Variants in MAPK10 observed in about 807,000 individuals in gnomAD.
The protein encoded by MAPK10 is JNK3 alpha protein kinase.
In MAPK10, 25 loss-of-function variants were observed where a neutral mutation model predicts 59.3. The observed-to-expected ratio is 0.42, with a 90% CI of 0.31 to 0.59. The LOEUF is 0.59. Among genes scored for constraint, MAPK10 ranks in the 20% least tolerant of loss-of-function variants. The pLI, the probability that MAPK10 is intolerant of heterozygous loss-of-function variation, is 0.15. For synonymous variants in MAPK10, 190 were observed against 200.5 expected (o/e 0.95, Z 0.44); for missense variants, 351 against 568.9 (o/e 0.62, Z 3.90).
At chr4:86,456,851 C>G (rs566149611), upstream of MAPK10, among the ~76,000 whole-genome samples, 12 of 151,990 alleles carry the variant, frequency 7.9e-5, no homozygotes, top group Non-Finnish European at 1.8e-4. Context: ...AAGGACATAA[C>G]CAAAAAAGAC....
At chr4:86,353,248 AT>A (rs1732589365) in intron 2 of MAPK10, among the ~76,000 whole-genome samples, 1 of 152,166 alleles carries the variant, frequency 6.6e-6, no homozygotes, top group Non-Finnish European at 1.5e-5. Flanking sequence ...TAATAAGCAC[AT>A]TTTATTGTAA....
chr4:86,108,645 T>C (rs1471039580), intron 4 of MAPK10, among the ~76,000 whole-genome samples: 1 of 152,154 alleles, frequency 6.6e-6, no homozygotes, highest in Non-Finnish European at 1.5e-5. Flanking sequence ...TCCAAAAACA[T>C]GGAAATCATT....
chr4:86,388,209 T>C (rs1351628012), intron 1 of MAPK10, among the ~76,000 whole-genome samples: 1 of 151,784 alleles, frequency 6.6e-6, no homozygotes, highest in East Asian at 1.9e-4. Flanking sequence ...TATGTGTCTG[T>C]GTGAGAGAGA....
At chr4:86,551,078 C>G (rs1435093492) in intron 1 of MAPK10, among the ~76,000 whole-genome samples, 1 of 152,140 alleles carries the variant, frequency 6.6e-6, no homozygotes, top group Non-Finnish European at 1.5e-5. Flanking sequence ...ATAATGCCAC[C>G]CATAGTGCAT....
chr4:86,412,863 G>T (rs1211059697), intron 1 of MAPK10, among the ~76,000 whole-genome samples: 1 of 152,072 alleles, frequency 6.6e-6, no homozygotes, highest in Non-Finnish European at 1.5e-5. Flanking sequence ...CTTTAGCTTG[G>T]AGAAGTTTGT....
At chr4:86,530,257 G>T (rs149159125) in intron 1 of MAPK10, among the ~76,000 whole-genome samples, 86 of 151,956 alleles carry the variant, frequency 5.7e-4, no homozygotes, top group Admixed American at 9.8e-4. Flanking sequence ...TCTGATTTGG[G>T]TTAATATATA....
chr4:86,461,048 T>C (rs1307553472), intron 1 of MAPK10, among the ~76,000 whole-genome samples: 1 of 151,798 alleles, frequency 6.6e-6, no homozygotes, highest in East Asian at 1.9e-4. Context: ...TGCCCATACG[T>C]GGGGCTCAAA....
intron 2 of MAPK10, among the ~76,000 whole-genome samples, chr4:86,213,850 AC>A (rs1414058091): frequency 6.6e-6 from 1 of 152,104 alleles, no homozygotes; most frequent in African/African-American, 2.4e-5. Flanking sequence ...ATAGGAGGGA[AC>A]ACTTACAGAC....
chr4:86,464,858 C>T (rs1285075624), intron 1 of MAPK10, among the ~76,000 whole-genome samples: 2 of 152,104 alleles, frequency 1.3e-5, no homozygotes, highest in African/African-American at 4.8e-5. Flanking sequence ...ACATCACTCA[C>T]ATTAGGGCTC....
chr4:86,552,495 GGGAAGGAAAGGAAGGAAGGAA>G (rs1759908820), intron 1 of MAPK10, among the ~76,000 whole-genome samples: 1 of 45,754 alleles, frequency 2.2e-5, no homozygotes, highest in Non-Finnish European at 5.1e-5. Context: ...GAGGGAGGGA[GGGAAGGAAAGGAAGGAAGGAA>G]GGAAGGAAGG....
At chr4:86,483,059 C>T (rs893630475) in intron 1 of MAPK10, among the ~76,000 whole-genome samples, 3 of 152,160 alleles carry the variant, frequency 2.0e-5, no homozygotes, top group African/African-American at 7.2e-5. Flanking sequence ...GCTGTCAAAA[C>T]ATTTAAATTG....
intron 2 of MAPK10, among the ~76,000 whole-genome samples, chr4:86,304,309 T>G (rs1448461877): frequency 7.1e-6 from 1 of 139,950 alleles, no homozygotes; most frequent in Non-Finnish European, 1.6e-5. Flanking sequence ...TTAAAAGATG[T>G]TTTTTGTTTC....
chr4:86,106,206 T>G (rs2056503200), intron 5 of MAPK10, among the ~76,000 whole-genome samples: 1 of 152,100 alleles, frequency 6.6e-6, no homozygotes, highest in Non-Finnish European at 1.5e-5. Flanking sequence ...ATCTTTCAAC[T>G]TAATACTAAC....
chr4:86,493,100 AG>A (rs1754602020), intron 1 of MAPK10, among the ~76,000 whole-genome samples: 1 of 152,200 alleles, frequency 6.6e-6, no homozygotes, highest in African/African-American at 2.4e-5. Context: ...CGTTCAAATA[AG>A]GCAAACGCTG....
chr4:86,079,960 C>T (rs2050292574), intron 9 of MAPK10: 1 of 152,066 alleles, frequency 6.6e-6, no homozygotes. Context: ...TCTTACTCTG[C>T]AGCTATTATC....
chr4:86,239,652 T>G (rs1258053447), intron 2 of MAPK10, among the ~76,000 whole-genome samples: 1 of 152,192 alleles, frequency 6.6e-6, no homozygotes, highest in East Asian at 1.9e-4. Flanking sequence ...GTTTATACTA[T>G]TCTCTGTTGA....
intron 9 of MAPK10, among the ~76,000 whole-genome samples, chr4:86,077,142 G>C (rs1268211837): frequency 6.6e-6 from 1 of 152,072 alleles, no homozygotes; most frequent in Non-Finnish European, 1.5e-5. Context: ...AGTAGGGCAT[G>C]ATGTCCAGAT....
At chr4:86,437,796 C>T (rs1748943167) in intron 1 of MAPK10, among the ~76,000 whole-genome samples, 1 of 152,110 alleles carries the variant, frequency 6.6e-6, no homozygotes, top group African/African-American at 2.4e-5. Context: ...CAAATATGCT[C>T]ATAACAGCAT....
chr4:86,083,281 C>G (rs1424227840), intron 9 of MAPK10, among the ~76,000 whole-genome samples: 1 of 152,004 alleles, frequency 6.6e-6, no homozygotes, highest in Non-Finnish European at 1.5e-5. Context: ...GTTTTAATTC[C>G]ACATTGCTGA....
Sources: allele counts gnomAD v4.1 joint callset (sites outside exome capture counted in the v4.1 genomes callset), GRCh38; gene constraint gnomAD v4.1.1; transcripts MANE v1.5; gene names NCBI Gene and HGNC (gene_info 2026-07-23, HGNC 2026-07-21).